The following USP54 variants were observed in gnomAD, a reference collection of about 807,000 sequenced individuals.
USP54 encodes ubiquitin specific peptidase 54.
In USP54, 87 loss-of-function variants were observed where a neutral mutation model predicts 170.5. The ratio of observed to expected loss-of-function variants is 0.51; its 90% CI spans 0.43 to 0.61. The LOEUF (loss-of-function observed/expected upper bound fraction) is 0.61. Among genes scored for constraint, USP54 ranks in the 20% least tolerant of loss-of-function variants. USP54 has a pLI of 0.00. For synonymous variants in USP54, 655 were observed against 742.8 expected, an observed-to-expected ratio of 0.88 and a Z score of 1.92; for missense variants, 1,786 against 2,047.8, an observed-to-expected ratio of 0.87 and a Z score of 2.47.
At chr10:73,549,027 T>C (rs995545636) in intron 4 of USP54, among the ~76,000 whole-genome samples, 1 of 152,154 alleles carries the variant, frequency 6.6e-6, no homozygotes, top group Non-Finnish European at 1.5e-5. Context: ...AATTCTTGGT[T>C]TTCCTCTTAC....
At position 73,516,714 on chromosome 10, in the gene USP54, ACAG is replaced by A; in HGVS notation, c.3709_3711del (p.Leu1237del). ...TTAGACCTAACATCTCTCACTTGGG[ACAG>A]CTTCTCTTGGTATATGTCTGGCTCT... On this transcript the variant is annotated inframe_deletion, in exon 20 of 24. Transcript: ENST00000687698. 1 of 1,614,168 alleles carries A rather than the reference ACAG, an allele frequency of 6.2e-7. No individual in the cohort carries two copies. The highest frequency in any genetic ancestry group is 8.5e-7 in the Non-Finnish European group (1 of 1,180,034).
At chr10:73,566,484 A>C (rs1176459977) in intron 4 of USP54, among the ~76,000 whole-genome samples, 1 of 152,162 alleles carries the variant, frequency 6.6e-6, no homozygotes, top group African/African-American at 2.4e-5. Context: ...CTGTAATCCC[A>C]GCACTTTGGG....
chr10:73,545,405 A>C, intron 5 of USP54, 133 bp downstream of exon 5: 1 of 1,219,208 alleles, frequency 8.2e-7, no homozygotes, highest in Non-Finnish European at 1.1e-6. Context: ...GATCCCTGAA[A>C]AATCAGAGAA....
At chr10:73,612,839 CA>C (rs756355670) in intron 1 of USP54, among the ~76,000 whole-genome samples, 682 of 42,126 alleles carry the variant, frequency 0.016, 2 homozygotes, top group African/African-American at 0.044. Context: ...GACATTGTCT[CA>C]AAAAAAAAAA....
chr10:73,533,073 G>A lies in USP54; in HGVS notation c.1315+1527C>T, dbSNP rs191089509. ...TGTAATCCCAGCACTTTGGGAGGCC[G>A]AGGTGGGTGGATCACGAGGTCAGGA... On this transcript the variant is annotated intron_variant, in intron 12 of 23. Coordinates refer to ENST00000687698, the MANE Select transcript of USP54 (RefSeq NM_001391956.1). Among the ~76,000 whole-genome samples the A allele has an allele frequency of 1.1e-3, 173 of 152,278 alleles. 1 individual carries two copies. Among genetic ancestry groups the A allele is most frequent in the Non-Finnish European group, 2.1e-3 (146 of 68,006 alleles).
At chr10:73,625,807 G>C (rs1286373980), upstream of USP54, 1 of 152,200 alleles carries the variant, frequency 6.6e-6, no homozygotes, top group Non-Finnish European at 1.5e-5. Context: ...ACAGGACCCA[G>C]GTCCTGCCCC....
At chr10:73,593,096 C>T (rs149285728), upstream of USP54, among the ~76,000 whole-genome samples, 1,982 of 151,958 alleles carry the variant, frequency 0.013, 15 homozygotes, top group Non-Finnish European at 0.023. Flanking sequence ...CAGGGGCTCA[C>T]GCCTGTAATC....
intron 1 of USP54, among the ~76,000 whole-genome samples, chr10:73,581,338 C>T (rs112275557): frequency 0.035 from 5,363 of 152,264 alleles, 154 homozygotes; most frequent in South Asian, 0.11. Context: ...AGTTATATGT[C>T]CCACTGTTCC....
At chr10:73,574,656 A>G (rs2075820867) in intron 3 of USP54, among the ~76,000 whole-genome samples, 1 of 151,976 alleles carries the variant, frequency 6.6e-6, no homozygotes, top group East Asian at 1.9e-4. Flanking sequence ...GCACACCTAT[A>G]ATTCCACCTA....
At chr10:73,560,663 CAAAAAAA>C (rs751168962) in intron 4 of USP54, among the ~76,000 whole-genome samples, 6 of 16,472 alleles carry the variant, frequency 3.6e-4, no homozygotes, top group South Asian at 1.7e-3. Flanking sequence ...AACTCCGTCT[CAAAAAAA>C]AAAAAAAAAA....
In USP54 at chr10:73,541,409, A is replaced by G; in HGVS notation, c.791T>C (p.Ile264Thr). The change falls in exon 9 of 24, where the codon ATC becomes ACC. Residue 264 changes from isoleucine (I) to threonine (T), a missense_variant. Ile to Thr is a moderately conservative substitution (Grantham distance 89). Coordinates refer to ENST00000687698, the MANE Select transcript of USP54 (RefSeq NM_001391956.1). Reference protein sequence around the residue: ...SDHSDLAEDVIHSLGTCLKLG... With the variant: ...SDHSDLAEDVTHSLGTCLKLG... The stretch of plus-strand genomic sequence containing the variant: ...CTTAAGGCAGGTTCCCAGGCTGTGG[A>G]TAACATCTTCTGCTAAGTCTGAGTG... 2 of 1,614,194 alleles carry G rather than the reference A, an allele frequency of 1.2e-6. No homozygotes were observed. Among genetic ancestry groups the G allele is most frequent in the African/African-American group, 1.3e-5 (1 of 75,052 alleles).
intron 3 of USP54, among the ~76,000 whole-genome samples, chr10:73,573,938 G>A (rs2075687760): frequency 6.6e-6 from 1 of 152,168 alleles, no homozygotes; most frequent in Non-Finnish European, 1.5e-5. Context: ...CTAATGCCCA[G>A]GACCATTGTT....
Position 73,536,288 on chromosome 10 carries a change from G to C in USP54, c.1125C>G (p.Cys375Trp). The part of the protein sequence containing the change: ...QAEFQSYSRT[C>W]YDSEDSGREP... Reference sequence around the variant, plus strand: ...GCTCACCTGAATCTTCACTGTCGTAGCATGTCCTGCTGTATGACTGGAACT... The same window carrying C: ...GCTCACCTGAATCTTCACTGTCGTACCATGTCCTGCTGTATGACTGGAACT... The change falls in exon 11 of 24, where the codon TGC (cysteine) becomes TGG (tryptophan). Residue 375 changes from cysteine (C) to tryptophan (W), a missense_variant. Cys to Trp is a radical substitution (Grantham distance 215, BLOSUM62 -2). Transcript: ENST00000687698. 1.2e-6 allele frequency: 2 copies of C among 1,614,118 alleles called. No individual in the cohort carries two copies. Among genetic ancestry groups the C allele is most frequent in the South Asian group, 1.1e-5 (1 of 91,084 alleles).
At chr10:73,623,649 G>C (rs1452116348) in intron 1 of USP54, among the ~76,000 whole-genome samples, 1 of 152,160 alleles carries the variant, frequency 6.6e-6, no homozygotes, top group Non-Finnish European at 1.5e-5. Context: ...AGACCCTGTT[G>C]CAAAACAAAC....
Position 73,526,905 on chromosome 10 carries a change from T to C in USP54, c.2061-125A>G, listed in dbSNP as rs1241039927. 5 of 1,145,374 alleles carry C rather than the reference T, an allele frequency of 4.4e-6. No homozygotes were observed. In the African/African-American group the frequency reaches 7.8e-5, roughly 18 times the overall value. 71.0% of individuals were successfully genotyped at this position (1,145,374 alleles called of 1,614,324 possible). On this transcript the variant is annotated intron_variant, in intron 15 of 23. Coordinates refer to ENST00000687698, the MANE Select transcript of USP54 (RefSeq NM_001391956.1). ...ACAATTAGAGCTTCTGCTAAACTAC[T>C]TCTGAAGAATTGAAATATCCACTCA...
intron 10 of USP54, chr10:73,538,329 T>C (rs1409535899): frequency 6.6e-6 from 1 of 152,184 alleles, no homozygotes; most frequent in African/African-American, 2.4e-5. Flanking sequence ...CGTTACTACA[T>C]GAATTGTGCC....
intron 1 of USP54, among the ~76,000 whole-genome samples, chr10:73,614,743 T>A (rs937186878): frequency 6.7e-6 from 1 of 149,592 alleles, no homozygotes; most frequent in Non-Finnish European, 1.5e-5. Context: ...CAAAAACATA[T>A]AAAGATAAAT....
intron 4 of USP54, among the ~76,000 whole-genome samples, chr10:73,556,931 T>G (rs2133663203): frequency 6.6e-6 from 1 of 152,318 alleles, no homozygotes; most frequent in East Asian, 1.9e-4. Context: ...TATACTAGCA[T>G]TCTTAAAAGA....
intron 22 of USP54, among the ~76,000 whole-genome samples, chr10:73,503,240 C>T (rs1413881274): frequency 3.3e-5 from 5 of 152,148 alleles, no homozygotes; most frequent in Admixed American, 6.5e-5. Flanking sequence ...TTGCTTCCTC[C>T]AGGAAGCCTT....
Sources: gnomAD v4.1 joint callset for allele counts (sites outside exome capture counted in the v4.1 genomes callset) on GRCh38, gnomAD v4.1.1 for gene constraint, MANE v1.5 for transcripts, NCBI Gene and HGNC (gene_info 2026-07-23, HGNC 2026-07-21) for gene names.